The following GABBR2 variants were observed in gnomAD, a reference collection of about 807,000 sequenced individuals.
GABBR2 encodes gamma-aminobutyric acid type B receptor subunit 2.
In GABBR2, 23 loss-of-function variants were observed where a neutral mutation model predicts 105.6. That is an observed-to-expected ratio of 0.22 (90% CI 0.16 to 0.31). The LOEUF is 0.31. Among genes scored for constraint, GABBR2 ranks in the 10% least tolerant of loss-of-function variants. The pLI, the probability that GABBR2 is intolerant of heterozygous loss-of-function variation, is 1.00. For synonymous variants in GABBR2, 478 were observed against 499.7 expected, an observed-to-expected ratio of 0.96 and a Z score of 0.58; for missense variants, 734 against 1,245.5, an observed-to-expected ratio of 0.59 and a Z score of 6.18.
At chr9:98,697,159 C>T (rs185433457) in intron 1 of GABBR2, among the ~76,000 whole-genome samples, 20 of 152,272 alleles carry the variant, frequency 1.3e-4, no homozygotes, top group Admixed American at 3.3e-4. Context: ...AAATACGTCA[C>T]ATAAGCTCTC....
intron 6 of GABBR2, among the ~76,000 whole-genome samples, chr9:98,455,579 C>A (rs1172671796): frequency 2.0e-5 from 3 of 152,184 alleles, no homozygotes; most frequent in African/African-American, 4.8e-5. Flanking sequence ...GGAGGGGGGG[C>A]GCGGCACCAG....
intron 13 of GABBR2, among the ~76,000 whole-genome samples, chr9:98,326,435 T>C (rs1272489469): frequency 6.6e-6 from 1 of 152,246 alleles, no homozygotes; most frequent in Non-Finnish European, 1.5e-5. Flanking sequence ...TAGAGGCTGA[T>C]GCCACCAACA....
At chr9:98,655,138 T>C (rs1331771237) in intron 1 of GABBR2, among the ~76,000 whole-genome samples, 1 of 152,126 alleles carries the variant, frequency 6.6e-6, no homozygotes, top group Non-Finnish European at 1.5e-5. Flanking sequence ...TTCTATGTAA[T>C]ATGGTAATGG....
intron 3 of GABBR2, among the ~76,000 whole-genome samples, chr9:98,537,127 G>A (rs1293418204): frequency 6.6e-6 from 1 of 152,206 alleles, no homozygotes. Flanking sequence ...GTCGTCCAGT[G>A]TGGTTGCTCT....
intron 1 of GABBR2, among the ~76,000 whole-genome samples, chr9:98,604,932 A>G (rs1829391466): frequency 6.6e-6 from 1 of 152,228 alleles, no homozygotes; most frequent in Admixed American, 6.5e-5. Context: ...GATCCAGTAA[A>G]TAATGACTGA....
chr9:98,577,064 A>G (rs975488757), intron 2 of GABBR2, among the ~76,000 whole-genome samples: 3 of 149,272 alleles, frequency 2.0e-5, no homozygotes, highest in Non-Finnish European at 4.5e-5. Context: ...GGATGGACAG[A>G]TGGATGGATG....
chr9:98,293,329 CT>C (rs1830330356), intron 18 of GABBR2, among the ~76,000 whole-genome samples: 1 of 152,142 alleles, frequency 6.6e-6, no homozygotes, highest in Non-Finnish European at 1.5e-5. Flanking sequence ...CCACTTCTTG[CT>C]TTTTAATTAA....
At chr9:98,582,057 C>T (rs565353820) in intron 1 of GABBR2, among the ~76,000 whole-genome samples, 8 of 152,250 alleles carry the variant, frequency 5.3e-5, no homozygotes, top group African/African-American at 1.4e-4. Context: ...GTGGGTGTGG[C>T]GGGCAAAGTT....
chr9:98,569,227 CG>C (rs1174005545), intron 2 of GABBR2, among the ~76,000 whole-genome samples: 3 of 152,132 alleles, frequency 2.0e-5, no homozygotes, highest in East Asian at 3.9e-4. Flanking sequence ...GGCTCACTTG[CG>C]TGCTCTGTGG....
intron 1 of GABBR2, among the ~76,000 whole-genome samples, chr9:98,616,969 C>G (rs1037348656): frequency 9.9e-5 from 15 of 152,182 alleles, no homozygotes; most frequent in Admixed American, 9.8e-4. Flanking sequence ...ATTGCAATCC[C>G]TTGGACAGTG....
chr9:98,303,174 C>A, intron 16 of GABBR2, 67 bp downstream of exon 16: 1 of 1,327,484 alleles, frequency 7.5e-7, no homozygotes, highest in South Asian at 1.3e-5. Context: ...GCCTGAGAGT[C>A]CCCGCACAGG....
rs138672661 is a variant in GABBR2, at chr9:98,545,355, G to T, written c.460-3312C>A. On this transcript the variant is annotated intron_variant, in intron 2 of 18. Coordinates refer to ENST00000259455, the MANE Select transcript of GABBR2 (RefSeq NM_005458.8). ...AGATAATGCACGCTTTGATTAGATT[G>T]CTTTGCGTCACTGTTTCTCTGGCTT... is the stretch of plus-strand genomic sequence containing the variant. Among the ~76,000 whole-genome samples, 34 of 152,334 alleles carry T rather than the reference G, an allele frequency of 2.2e-4. 2 individuals carry two copies. In the East Asian group the frequency reaches 6.6e-3, roughly 29 times the overall value.
intron 6 of GABBR2, among the ~76,000 whole-genome samples, chr9:98,468,365 C>G (rs1029343555): frequency 3.3e-5 from 5 of 152,116 alleles, no homozygotes; most frequent in African/African-American, 9.7e-5. Context: ...TCAGCTGTAT[C>G]CTGGGAGATC....
intron 5 of GABBR2, among the ~76,000 whole-genome samples, chr9:98,480,098 C>T (rs753764063): frequency 5.3e-5 from 8 of 152,140 alleles, no homozygotes; most frequent in Admixed American, 2.0e-4. Context: ...ATCTGCGGCC[C>T]GTCACCAGAC....
At chr9:98,488,005 A>G (rs2131658298) in intron 4 of GABBR2, among the ~76,000 whole-genome samples, 1 of 152,284 alleles carries the variant, frequency 6.6e-6, no homozygotes, top group East Asian at 1.9e-4. Context: ...CGAGGCAGAG[A>G]CAGTGATACA....
At chr9:98,478,228 T>C (rs1205486604) in intron 5 of GABBR2, among the ~76,000 whole-genome samples, 2 of 152,294 alleles carry the variant, frequency 1.3e-5, no homozygotes, top group East Asian at 1.9e-4. Context: ...GGCAGAGACA[T>C]GGTTGTTTCC....
intron 2 of GABBR2, among the ~76,000 whole-genome samples, chr9:98,559,039 C>G (rs1039795679): frequency 6.6e-6 from 1 of 152,098 alleles, no homozygotes; most frequent in African/African-American, 2.4e-5. Flanking sequence ...CTTTCTGGGC[C>G]TCGGTTTCCT....
chr9:98,708,699 C>A lies in GABBR2; in HGVS notation c.39G>T (p.Pro13=). Residue 13 remains proline, a synonymous_variant, in exon 1 of 19, where the codon CCG becomes CCT. Transcript: ENST00000259455. ...SPRSSGQPGP[P]PPPPPPPARL... is the part of the protein sequence containing the mutation. ...GCGCGGGCGGCGGTGGCGGCGGCGG[C>A]GGCGGCCCGGGCTGCCCGGAGCTCC... The A allele has an allele frequency of 9.8e-7, 1 of 1,016,440 alleles. No homozygotes were observed. Among genetic ancestry groups the A allele is most frequent in the Non-Finnish European group, 1.2e-6 (1 of 853,376 alleles). The allele number at this position is 1,016,440 out of a possible 1,614,324, so 63.0% of individuals were successfully genotyped here.
intron 7 of GABBR2, among the ~76,000 whole-genome samples, chr9:98,416,485 T>A (rs181087813): frequency 1.1e-3 from 166 of 152,356 alleles, no homozygotes; most frequent in Non-Finnish European, 2.0e-3. Flanking sequence ...CTCTGTCCTG[T>A]TAGCTTCCGC....
Sources: allele counts gnomAD v4.1 joint callset (sites outside exome capture counted in the v4.1 genomes callset), GRCh38; gene constraint gnomAD v4.1.1; transcripts MANE v1.5; gene names NCBI Gene and HGNC (gene_info 2026-07-23, HGNC 2026-07-21).